HIVEP1: variants seen among roughly 807,000 people sequenced by gnomAD.
The protein encoded by HIVEP1 is HIVEP zinc finger 1.
A neutral mutation model predicts 180.0 loss-of-function variants in HIVEP1; 36 were observed. The ratio of observed to expected loss-of-function variants is 0.20; its 90% confidence interval spans 0.15 to 0.26. The LOEUF (loss-of-function observed/expected upper bound fraction) is 0.26. Ranked by LOEUF, HIVEP1 falls within the 10% of genes least tolerant of loss-of-function variation. HIVEP1 has a pLI of 1.00. For missense variants in HIVEP1, 3,143 were observed against 3,268.7 expected, an observed-to-expected ratio of 0.96 and a Z score of 0.94; for synonymous variants, 1,239 against 1,239.0, an observed-to-expected ratio of 1.00 and a Z score of 0.00.
chr6:12,078,217 C>G (rs1772498172), intron 2 of HIVEP1, among the ~76,000 whole-genome samples: 1 of 151,974 alleles, frequency 6.6e-6, no homozygotes. Flanking sequence ...AGCTAAAAAA[C>G]ATAGTCACTA....
chr6:12,120,884 T>A lies in HIVEP1; in HGVS notation c.1089T>A (p.Ala363=). 6.2e-7 allele frequency: 1 copy of A among 1,614,216 alleles called. No individual in the cohort carries two copies. Among genetic ancestry groups the A allele is most frequent in the Non-Finnish European group, 8.5e-7 (1 of 1,180,046 alleles). Residue 363 remains alanine, a synonymous_variant, in exon 4 of 9, where the codon GCT becomes GCA. Transcript: ENST00000379388. Reference sequence around the variant, plus strand: ...CTTCACCTTTGTCAATAAGTCCGGCTAATTCTACACAGTCGCCCCCCATGC... The same window carrying A: ...CTTCACCTTTGTCAATAAGTCCGGCAAATTCTACACAGTCGCCCCCCATGC... ...DSASPLSISP[A]NSTQSPPMPI... is the part of the protein sequence containing the mutation.
At chr6:12,185,177 G>T in the HIVEP1 span, among the ~76,000 whole-genome samples, 1 of 152,190 alleles carries the variant, frequency 6.6e-6, no homozygotes, top group African/African-American at 2.4e-5. Context: ...GGAATCACAG[G>T]CAGGCAGACA....
chr6:12,040,183 A>G (rs1465552878), intron 2 of HIVEP1, among the ~76,000 whole-genome samples: 3 of 152,218 alleles, frequency 2.0e-5, no homozygotes, highest in African/African-American at 7.2e-5. Context: ...CAAAGTCCTG[A>G]AAGGTCTTTT....
chr6:12,074,210 G>A (rs1772177559), intron 2 of HIVEP1, among the ~76,000 whole-genome samples: 1 of 152,230 alleles, frequency 6.6e-6, no homozygotes, highest in Non-Finnish European at 1.5e-5. Context: ...TAAAGATGAT[G>A]TGAGTGTCCT....
downstream of HIVEP1, among the ~76,000 whole-genome samples, chr6:12,166,353 A>G (rs1252424061): frequency 7.9e-5 from 12 of 152,232 alleles, no homozygotes; most frequent in East Asian, 2.3e-3. Flanking sequence ...AAATTCCTAT[A>G]CTTAAAGACA....
the HIVEP1 span, among the ~76,000 whole-genome samples, chr6:12,190,030 A>C: frequency 6.6e-6 from 1 of 152,220 alleles, no homozygotes; most frequent in Non-Finnish European, 1.5e-5. Flanking sequence ...AGGAAAGCAA[A>C]TTGTAGAACA....
intron 2 of HIVEP1, among the ~76,000 whole-genome samples, chr6:12,031,147 C>G (rs1050801173): frequency 2.0e-5 from 3 of 152,174 alleles, no homozygotes; most frequent in African/African-American, 7.2e-5. Context: ...CAGTCTGAAC[C>G]TTGACTCTCT....
At chr6:12,188,856 T>A in the HIVEP1 span, among the ~76,000 whole-genome samples, 1 of 151,928 alleles carries the variant, frequency 6.6e-6, no homozygotes, top group Non-Finnish European at 1.5e-5. Context: ...TAATTCTAAG[T>A]TCAGTGGAAA....
chr6:12,166,959 G>T (rs1760722039), downstream of HIVEP1, among the ~76,000 whole-genome samples: 1 of 152,160 alleles, frequency 6.6e-6, no homozygotes, highest in Admixed American at 6.5e-5. Flanking sequence ...TCTAGTTAAA[G>T]ATTATTATAT....
intron 2 of HIVEP1, among the ~76,000 whole-genome samples, chr6:12,016,936 C>T (rs553420138): frequency 2.1e-4 from 32 of 152,240 alleles, no homozygotes; most frequent in African/African-American, 7.2e-4. Context: ...CCAGGGAGGG[C>T]ACCCTGTTCT....
chr6:12,130,122 A>G (rs1207433952), intron 5 of HIVEP1, among the ~76,000 whole-genome samples: 1 of 152,230 alleles, frequency 6.6e-6, no homozygotes, highest in Non-Finnish European at 1.5e-5. Flanking sequence ...GAAGGCAGCT[A>G]AAAACTAAAT....
In HIVEP1 at chr6:12,164,597, AATT is replaced by A; in HGVS notation, c.*137_*139del. Reference sequence around the variant, plus strand: ...GTGCAATCATGAACTTTTGACCAATAATTGTTGTTTTGTGTCAGCTCCAGCCAT... The same window carrying A: ...GTGCAATCATGAACTTTTGACCAATAGTTGTTTTGTGTCAGCTCCAGCCAT... On this transcript the variant is annotated 3_prime_UTR_variant, in exon 9 of 9. Transcript: ENST00000379388. 1 of 734,282 alleles carries A rather than the reference AATT, an allele frequency of 1.4e-6. No individual in the cohort carries two copies. The highest frequency in any genetic ancestry group is 2.0e-5 in the South Asian group (1 of 49,166). The allele number at this position is 734,282 out of a possible 1,614,324, so 45.5% of individuals were successfully genotyped here.
At chr6:12,184,881 A>C in the HIVEP1 span, among the ~76,000 whole-genome samples, 2 of 152,240 alleles carry the variant, frequency 1.3e-5, no homozygotes, top group Non-Finnish European at 2.9e-5. Flanking sequence ...TTTATTTAAA[A>C]ATAAAAAGCA....
chr6:12,041,405 G>A (rs1007102524), intron 2 of HIVEP1, among the ~76,000 whole-genome samples: 22 of 117,892 alleles, frequency 1.9e-4, no homozygotes, highest in South Asian at 6.4e-4. Flanking sequence ...CTGGGCGACA[G>A]AGCGAGACTC....
Position 12,123,951 on chromosome 6 carries a change from A to C in HIVEP1, c.4156A>C (p.Lys1386Gln). Residue 1386 changes from lysine (K) to glutamine (Q), a missense_variant, in exon 4 of 9, where the codon AAA becomes CAA. By Grantham distance (53) the Lys-to-Gln change is moderately conservative. This residue lies in a region of HIVEP1 where 1,357 missense variants were observed against 1,260.5 expected (regional missense o/e 1.08). Transcript: ENST00000379388. ...AATGGAGGTCTCTGATCTCAGAAGC[A>C]AATCATTCGATTGTGGAAGCATCAC... ...TSMEVSDLRS[K>Q]SFDCGSITPP... The C allele has an allele frequency of 6.2e-7, 1 of 1,614,142 alleles. No homozygotes were observed. Among genetic ancestry groups the C allele is most frequent in the Non-Finnish European group, 8.5e-7 (1 of 1,180,010 alleles).
At chr6:12,016,358 A>G (rs1767747647) in intron 2 of HIVEP1, among the ~76,000 whole-genome samples, 1 of 152,242 alleles carries the variant, frequency 6.6e-6, no homozygotes, top group Non-Finnish European at 1.5e-5. Context: ...ATTATCTTTT[A>G]TATTAAACTT....
Position 12,077,049 on chromosome 6 carries a change from G to A in HIVEP1, c.41-12135G>A, listed in dbSNP as rs969492592. 3.3e-5 allele frequency among the ~76,000 whole-genome samples: 5 copies of A among 152,164 alleles called. No homozygotes were observed. The East Asian group carries it at 9.7e-4, about 29-fold the overall frequency. ...AGGGCCCTAAACTACAACTTACAAA[G>A]CCCCAGGAGGAGCCCAGAAACTTCT... On this transcript the variant is annotated intron_variant, in intron 2 of 8. Transcript: ENST00000379388.
At chr6:12,014,282 T>C (rs1037097743) in intron 1 of HIVEP1, among the ~76,000 whole-genome samples, 1 of 152,204 alleles carries the variant, frequency 6.6e-6, no homozygotes, top group African/African-American at 2.4e-5. Flanking sequence ...TGAAAGTAGA[T>C]GTTATCAGCT....
At chr6:12,033,845 G>C (rs1769111747) in intron 2 of HIVEP1, among the ~76,000 whole-genome samples, 1 of 152,216 alleles carries the variant, frequency 6.6e-6, no homozygotes, top group South Asian at 2.1e-4. Flanking sequence ...TGTGGATAGT[G>C]TGTTCCTCAA....
Sources: gnomAD v4.1 joint callset for allele counts (sites outside exome capture counted in the v4.1 genomes callset) on GRCh38, gnomAD v4.1.1 for gene constraint, gnomAD v4.1.1 regional missense constraint, MANE v1.5 for transcripts, NCBI Gene and HGNC (gene_info 2026-07-23, HGNC 2026-07-21) for gene names.